RTN4: variants seen among roughly 807,000 people sequenced by gnomAD.
RTN4 encodes the protein reticulon-4.
RTN4 carries 32 observed loss-of-function variants against 90.4 expected under a neutral mutation model. The ratio of observed to expected loss-of-function variants is 0.35; its 90% CI spans 0.27 to 0.48. The LOEUF (loss-of-function observed/expected upper bound fraction) is 0.48, where lower values mean the gene tolerates loss of function less well. RTN4 is among the 20% of genes least tolerant of loss of function. RTN4 has a pLI of 0.99. For synonymous variants in RTN4, 629 were observed against 552.5 expected (o/e 1.14, Z -1.94); for missense variants, 1,706 against 1,430.2 (o/e 1.19, Z -3.11).
intron 3 of RTN4, among the ~76,000 whole-genome samples, chr2:55,020,195 GA>G (rs568075280): frequency 1.3e-5 from 2 of 151,580 alleles, no homozygotes; most frequent in African/African-American, 4.8e-5. Flanking sequence ...ACAGGAATAG[GA>G]AAAAAAATCC....
chr2:55,054,604 T>A (rs765371528), upstream of RTN4, among the ~76,000 whole-genome samples: 2 of 152,180 alleles, frequency 1.3e-5, no homozygotes, highest in Admixed American at 6.5e-5. Flanking sequence ...ATGGGTATAC[T>A]CTTGCCTACA....
At position 54,987,494 on chromosome 2, in the gene RTN4, A is replaced by C. The variant is rs1678656972; in HGVS notation, c.3218T>G (p.Phe1073Cys). The C allele has an allele frequency of 6.2e-7, 1 of 1,610,146 alleles. No homozygotes were observed. Among genetic ancestry groups the C allele is most frequent in the East Asian group, 2.2e-5 (1 of 44,868 alleles). ...CCTTGTTTTCCAGACATCTCACCTG[A>C]ATGGGTGGCCTTCATCTGATTTCTG... ...AIQKSDEGHPFRAYLESEVAI... is the reference protein window; with the variant it reads ...AIQKSDEGHPCRAYLESEVAI... Residue 1073 changes from phenylalanine to cysteine, a missense_variant, in exon 4 of 9, where the codon TTC becomes TGC. Transcript: ENST00000337526.
upstream of RTN4, chr2:55,050,915 T>G (rs1303892118): frequency 6.6e-6 from 1 of 151,942 alleles, no homozygotes; most frequent in Non-Finnish European, 1.5e-5. This position sits in a 1 kb window ranked among gnomAD's most constrained non-coding sequence, Gnocchi z 4.6. Flanking sequence ...GGCGTTATCC[T>G]GGGGGAACTG....
At position 55,026,324 on chromosome 2, in the gene RTN4, G is replaced by A. The variant is rs1681869028; in HGVS notation, c.1775C>T (p.Pro592Leu). The change falls in exon 3 of 9, where the codon CCT becomes CTT. Residue 592 changes from proline (P) to leucine (L), a missense_variant. Physicochemically the swap from Pro to Leu is moderately conservative, Grantham distance 98. Coordinates refer to ENST00000337526, the MANE Select transcript of RTN4 (RefSeq NM_020532.5). Reference protein sequence around the residue: ...TSEVMQESLYPAAQLCPSFEE... With the variant: ...TSEVMQESLYLAAQLCPSFEE... ...AAATGATGGGCAAAGCTGTGCTGCA[G>A]GATAGAGTGACTCTTGCATAACTTC... The A allele has an allele frequency of 6.2e-7, 1 of 1,613,968 alleles. No individual in the cohort carries two copies. Among genetic ancestry groups the A allele is most frequent in the Non-Finnish European group, 8.5e-7 (1 of 1,179,908 alleles).
Position 55,025,697 on chromosome 2 carries a change from T to C in RTN4, c.2402A>G (p.Glu801Gly). The C allele has an allele frequency of 6.2e-7, 1 of 1,613,844 alleles. No individual in the cohort carries two copies. Among genetic ancestry groups the C allele is most frequent in the Non-Finnish European group, 8.5e-7 (1 of 1,179,826 alleles). Residue 801 changes from glutamate to glycine, a missense_variant, in exon 3 of 9, where the codon GAA becomes GGA. Coordinates refer to ENST00000337526, the MANE Select transcript of RTN4 (RefSeq NM_020532.5). The stretch of plus-strand genomic sequence containing the variant: ...GTTATCTAAACTGAGCTTAAAAGAT[T>C]CCAAATATGGCTTTCCTCCCTCAGG... ...LPPEGGKPYL[E>G]SFKLSLDNTK...
the RTN4 span, among the ~76,000 whole-genome samples, chr2:55,124,554 G>A: frequency 6.6e-6 from 1 of 152,170 alleles, no homozygotes; most frequent in Non-Finnish European, 1.5e-5. Flanking sequence ...ACTGTTCAAG[G>A]AAATCAGAGA....
chr2:55,026,694 G>C lies in RTN4; in HGVS notation c.1405C>G (p.Pro469Ala), dbSNP rs200756281. 1.9e-6 allele frequency: 3 copies of C among 1,613,728 alleles called. No individual in the cohort carries two copies. Among genetic ancestry groups the C allele is most frequent in the African/African-American group, 1.3e-5 (1 of 74,960 alleles). Residue 469 changes from proline to alanine, a missense_variant, in exon 3 of 9, where the codon CCA (proline) becomes GCA (alanine). Transcript: ENST00000337526. ...GAYITCAPFN[P>A]AATESIATNI... is the part of the protein sequence containing the mutation. ...GTTGCAATGCTCTCAGTTGCTGCTG[G>C]GTTAAAGGGAGCACATGTGATATAT...
chr2:55,070,294 C>G (rs1332735493), intron 2 of RTN4, among the ~76,000 whole-genome samples: 1 of 151,804 alleles, frequency 6.6e-6, no homozygotes, highest in Non-Finnish European at 1.5e-5. Flanking sequence ...CACAGTGGCT[C>G]GCACCTGTAA....
intron 3 of RTN4, among the ~76,000 whole-genome samples, chr2:54,996,226 C>T (rs1239930642): frequency 6.6e-6 from 1 of 152,194 alleles, no homozygotes; most frequent in East Asian, 1.9e-4. Flanking sequence ...ATTGGAAAGA[C>T]TCCTGTTCAT....
chr2:55,073,820 CAA>C (rs1392024211), intron 2 of RTN4, among the ~76,000 whole-genome samples: 1 of 152,166 alleles, frequency 6.6e-6, no homozygotes, highest in Non-Finnish European at 1.5e-5. Flanking sequence ...CACTTAAAGG[CAA>C]AGAGACGTAT....
chr2:55,049,611 C>G, intron 1 of RTN4, 134 bp downstream of exon 1: 2 of 1,419,662 alleles, frequency 1.4e-6, no homozygotes, highest in South Asian at 1.2e-5. Context: ...CCAGACGGGG[C>G]GCCATCGCCC....
intron 2 of RTN4, among the ~76,000 whole-genome samples, chr2:55,064,226 A>T (rs1668351935): frequency 6.6e-6 from 1 of 151,822 alleles, no homozygotes. Flanking sequence ...AAGAAAGAAA[A>T]GAAAAGAAAA....
chr2:54,987,073 AATAC>A (rs1182542727), intron 4 of RTN4, among the ~76,000 whole-genome samples: 1 of 152,176 alleles, frequency 6.6e-6, no homozygotes, highest in Non-Finnish European at 1.5e-5. Flanking sequence ...AGATAAAGAA[AATAC>A]ATAAAGAAAA....
chr2:55,091,044 C>A (rs958657349), intron 1 of RTN4, among the ~76,000 whole-genome samples: 1 of 152,216 alleles, frequency 6.6e-6, no homozygotes, highest in Admixed American at 6.5e-5. Flanking sequence ...CAACTGAACT[C>A]CCAGTTTTGC....
chr2:55,011,821 A>T (rs1680663637), intron 3 of RTN4, among the ~76,000 whole-genome samples: 1 of 152,220 alleles, frequency 6.6e-6, no homozygotes, highest in African/African-American at 2.4e-5. Context: ...AACTCCAAAC[A>T]TAAATAAAGA....
rs563407663 is a variant in RTN4 at position 55,112,251 on chromosome 2, A to G, written c.-214+269T>C. 3.9e-5 allele frequency among the ~76,000 whole-genome samples: 6 copies of G among 152,326 alleles called. No individual in the cohort carries two copies. The South Asian group carries it at 1.0e-3, about 26-fold the overall frequency. Reference sequence around the variant, plus strand: ...GAAAGGTACCACTGACTGAACACTTATCATTTGCTAAGCACTTGGCATATG... The same window carrying G: ...GAAAGGTACCACTGACTGAACACTTGTCATTTGCTAAGCACTTGGCATATG... On this transcript the variant is annotated intron_variant, in intron 1 of 3. Transcript: ENST00000427710.
At chr2:55,130,401 G>A in the RTN4 span, among the ~76,000 whole-genome samples, 3 of 152,138 alleles carry the variant, frequency 2.0e-5, no homozygotes, top group East Asian at 5.8e-4. Context: ...TGAGGTGATG[G>A]ATATGTTAAT....
rs193200963 is a variant in RTN4, at chr2:54,973,790, T to C, written c.3477+31A>G. On this transcript the variant is annotated intron_variant, in intron 7 of 8. Coordinates refer to ENST00000337526, the MANE Select transcript of RTN4 (RefSeq NM_020532.5). ...CCCATGTAATAGAGTGAGTGCTCTATTCTGAAGTCAGCAGTTAGTTAGGAA... is the reference window on the plus strand; with the variant it reads ...CCCATGTAATAGAGTGAGTGCTCTACTCTGAAGTCAGCAGTTAGTTAGGAA... 3.7e-6 allele frequency: 6 copies of C among 1,603,522 alleles called. No individual in the cohort carries two copies. In the Admixed American group the frequency reaches 1.0e-4, roughly 27 times the overall value.
chr2:55,104,245 C>T (rs11681862), intron 1 of RTN4, among the ~76,000 whole-genome samples: 8,104 of 144,584 alleles, frequency 0.056, 286 homozygotes, highest in East Asian at 0.11. Flanking sequence ...TAAGTAGAGA[C>T]AGGGTTTCAC....
Sources: gnomAD v4.1 joint callset for allele counts (sites outside exome capture counted in the v4.1 genomes callset) on GRCh38, gnomAD v4.1.1 for gene constraint, Gnocchi (gnomAD v3.1) non-coding constraint, MANE v1.5 for transcripts, NCBI Gene and HGNC (gene_info 2026-07-23, HGNC 2026-07-21) for gene names.